Variants in MAN1A2 observed in about 807,000 individuals in gnomAD.
MAN1A2 encodes mannosidase alpha class 1A member 2.
In MAN1A2, 26 loss-of-function variants were observed where a neutral mutation model predicts 75.7. The observed-to-expected ratio is 0.34, with a 90% CI of 0.25 to 0.48. The LOEUF is 0.48. Among genes scored for constraint, MAN1A2 ranks in the 20% least tolerant of loss-of-function variants. The pLI, the probability that MAN1A2 is intolerant of heterozygous loss-of-function variation, is 0.99. For synonymous variants in MAN1A2, 247 were observed against 264.6 expected (o/e 0.93, Z 0.65); for missense variants, 562 against 775.5 (o/e 0.72, Z 3.27).
intron 1 of MAN1A2, among the ~76,000 whole-genome samples, chr1:117,379,911 C>T (rs1653274727): frequency 6.6e-6 from 1 of 151,992 alleles, no homozygotes; most frequent in Non-Finnish European, 1.5e-5. Flanking sequence ...TGGGTTGTTT[C>T]TACCTTTTGG....
intron 1 of MAN1A2, among the ~76,000 whole-genome samples, chr1:117,398,284 AC>A (rs1332251155): frequency 1.3e-5 from 2 of 152,180 alleles, no homozygotes; most frequent in Non-Finnish European, 2.9e-5. Flanking sequence ...TTGATCAGTG[AC>A]TTGAAGGTAA....
intron 1 of MAN1A2, among the ~76,000 whole-genome samples, chr1:117,383,278 TTA>T (rs1653414519): frequency 6.6e-6 from 1 of 152,206 alleles, no homozygotes. Context: ...ATTGATTTTC[TTA>T]TGCTGAACCA....
At chr1:117,469,686 T>C (rs1378467319) in intron 8 of MAN1A2, among the ~76,000 whole-genome samples, 1 of 152,118 alleles carries the variant, frequency 6.6e-6, no homozygotes, top group Non-Finnish European at 1.5e-5. Flanking sequence ...AGGACTTGAA[T>C]AGTCATTTCT....
intron 8 of MAN1A2, among the ~76,000 whole-genome samples, chr1:117,491,578 C>A (rs1053601035): frequency 6.6e-6 from 1 of 152,068 alleles, no homozygotes; most frequent in Non-Finnish European, 1.5e-5. Flanking sequence ...CTAACAACAT[C>A]CATTCTGTAG....
intron 4 of MAN1A2, among the ~76,000 whole-genome samples, chr1:117,415,776 G>C (rs1647971198): frequency 6.6e-6 from 1 of 152,042 alleles, no homozygotes; most frequent in Non-Finnish European, 1.5e-5. Flanking sequence ...GTTGGCTTCA[G>C]TGTATATCTT....
intron 1 of MAN1A2, among the ~76,000 whole-genome samples, chr1:117,380,810 G>T (rs2101725391): frequency 6.6e-6 from 1 of 152,226 alleles, no homozygotes; most frequent in Admixed American, 6.5e-5. Context: ...TTCCAGGTTT[G>T]TTATTCTTTT....
intron 1 of MAN1A2, among the ~76,000 whole-genome samples, chr1:117,395,516 T>C (rs1653876100): frequency 6.6e-6 from 1 of 152,230 alleles, no homozygotes; most frequent in Non-Finnish European, 1.5e-5. Flanking sequence ...CCACAATTAC[T>C]AGTTTTGTTG....
chr1:117,387,445 A>G (rs1007127544), intron 1 of MAN1A2, among the ~76,000 whole-genome samples: 4 of 152,330 alleles, frequency 2.6e-5, no homozygotes, highest in African/African-American at 9.6e-5. Context: ...TGGTGCTGAC[A>G]GTATGTGGTT....
intron 8 of MAN1A2, among the ~76,000 whole-genome samples, chr1:117,486,490 A>C (rs1351158502): frequency 6.6e-6 from 1 of 152,022 alleles, no homozygotes; most frequent in Non-Finnish European, 1.5e-5. Context: ...TTCTATAAAC[A>C]TTTTTAATTC....
chr1:117,406,148 G>A (rs1271636985), intron 3 of MAN1A2, among the ~76,000 whole-genome samples: 2 of 152,098 alleles, frequency 1.3e-5, no homozygotes. Flanking sequence ...GGAGGTTTGG[G>A]GAAGAGCTGT....
intron 12 of MAN1A2, among the ~76,000 whole-genome samples, chr1:117,518,464 C>A (rs1410768679): frequency 2.0e-5 from 3 of 151,374 alleles, no homozygotes; most frequent in East Asian, 1.9e-4. Context: ...TGAGGTGAAA[C>A]CATTTTGTAA....
At chr1:117,522,580 T>A (rs12402402) in intron 12 of MAN1A2, among the ~76,000 whole-genome samples, 11,562 of 151,486 alleles carry the variant, frequency 0.076, 494 homozygotes, top group Middle Eastern at 0.15. Flanking sequence ...CCTGGCCGGA[T>A]TTTTTTTTAA....
At chr1:117,464,615 T>A (rs1267598254) in intron 7 of MAN1A2, among the ~76,000 whole-genome samples, 1 of 152,054 alleles carries the variant, frequency 6.6e-6, no homozygotes, top group Non-Finnish European at 1.5e-5. Flanking sequence ...GAGAACAGGA[T>A]CACAGGCTAA....
chr1:117,476,957 C>A (rs971622586), intron 8 of MAN1A2, among the ~76,000 whole-genome samples: 8 of 152,018 alleles, frequency 5.3e-5, no homozygotes, highest in African/African-American at 1.9e-4. Flanking sequence ...GCAGTATGGA[C>A]ATTTTCACGA....
chr1:117,453,823 C>A (rs972803128), intron 6 of MAN1A2, among the ~76,000 whole-genome samples: 1 of 152,154 alleles, frequency 6.6e-6, no homozygotes, highest in Non-Finnish European at 1.5e-5. Flanking sequence ...AGAGATCTTT[C>A]GTCTTGCAGA....
chr1:117,431,758 C>T (rs1027237105), intron 5 of MAN1A2, among the ~76,000 whole-genome samples: 1 of 152,040 alleles, frequency 6.6e-6, no homozygotes, highest in Admixed American at 6.6e-5. Context: ...AGACCAGCCT[C>T]GGCAAACATG....
At chr1:117,502,482 T>C (rs1289938584) in intron 11 of MAN1A2, among the ~76,000 whole-genome samples, 1 of 151,686 alleles carries the variant, frequency 6.6e-6, no homozygotes, top group East Asian at 1.9e-4. Context: ...GTGATAAAAT[T>C]GCATTAAAAA....
At chr1:117,462,500 C>T (rs1414359787) in intron 7 of MAN1A2, among the ~76,000 whole-genome samples, 2 of 152,060 alleles carry the variant, frequency 1.3e-5, no homozygotes, top group African/African-American at 2.4e-5. Flanking sequence ...TTTGGAAGCA[C>T]AGAACTCCAA....
intron 5 of MAN1A2, among the ~76,000 whole-genome samples, chr1:117,434,624 G>A (rs1648789255): frequency 6.6e-6 from 1 of 152,054 alleles, no homozygotes; most frequent in African/African-American, 2.4e-5. Flanking sequence ...TGAATAAATT[G>A]ATATATCTGT....
Sources: gnomAD v4.1 joint callset for allele counts (sites outside exome capture counted in the v4.1 genomes callset) on GRCh38, gnomAD v4.1.1 for gene constraint, MANE v1.5 for transcripts, NCBI Gene and HGNC (gene_info 2026-07-23, HGNC 2026-07-21) for gene names.